Variants in RORA observed in about 807,000 individuals in gnomAD.
RORA encodes the protein RAR related orphan receptor A.
Under a neutral mutation model 69.5 loss-of-function variants are expected in RORA, and 7 were observed. The observed-to-expected ratio is 0.10, with a 90% CI of 0.06 to 0.19. The LOEUF (loss-of-function observed/expected upper bound fraction) is 0.19. Ranked by LOEUF, RORA falls within the 10% of genes least tolerant of loss-of-function variation. The pLI, the probability that RORA is intolerant of heterozygous loss-of-function variation, is 1.00. For missense variants in RORA, 457 were observed against 663.0 expected, an observed-to-expected ratio of 0.69 and a Z score of 3.41; for synonymous variants, 261 against 240.8, an observed-to-expected ratio of 1.08 and a Z score of -0.78.
At chr15:60,501,874 A>G (rs1439642949) in intron 8 of RORA, among the ~76,000 whole-genome samples, 2 of 152,246 alleles carry the variant, frequency 1.3e-5, no homozygotes, top group African/African-American at 4.8e-5. Flanking sequence ...ACAGTTCATT[A>G]TATATATCAT....
intron 1 of RORA, among the ~76,000 whole-genome samples, chr15:61,013,522 AG>A (rs1419217196): frequency 1.3e-5 from 2 of 152,196 alleles, no homozygotes; most frequent in Non-Finnish European, 2.9e-5. Context: ...AGATGTCTAC[AG>A]GATTAGTGTG....
chr15:60,741,264 G>T (rs531480229), intron 1 of RORA, among the ~76,000 whole-genome samples: 1 of 152,192 alleles, frequency 6.6e-6, no homozygotes, highest in Non-Finnish European at 1.5e-5. Context: ...AGGAACAGTG[G>T]CTCTTGCTTA....
chr15:60,829,316 C>T (rs918569411), intron 1 of RORA, among the ~76,000 whole-genome samples: 6 of 152,134 alleles, frequency 3.9e-5, no homozygotes, highest in African/African-American at 9.7e-5. Context: ...TACATCTCAC[C>T]GGGATGGACG....
At chr15:60,868,810 A>G (rs1210246296) in intron 1 of RORA, among the ~76,000 whole-genome samples, 4 of 152,116 alleles carry the variant, frequency 2.6e-5, no homozygotes, top group South Asian at 2.1e-4. Flanking sequence ...TCCAGGGGGG[A>G]AAAACACTCA....
chr15:60,899,244 C>T (rs1260844128), intron 1 of RORA, among the ~76,000 whole-genome samples: 1 of 152,196 alleles, frequency 6.6e-6, no homozygotes, highest in Non-Finnish European at 1.5e-5. Context: ...ACTGCATATA[C>T]CAGTTTCAAA....
At chr15:61,175,063 T>C (rs1012815987) in intron 1 of RORA, among the ~76,000 whole-genome samples, 2 of 152,088 alleles carry the variant, frequency 1.3e-5, no homozygotes, top group African/African-American at 2.4e-5. Flanking sequence ...GACATCAAAA[T>C]AGAAGTGAAA....
chr15:60,972,403 A>T (rs1893744645), intron 1 of RORA, among the ~76,000 whole-genome samples: 1 of 152,238 alleles, frequency 6.6e-6, no homozygotes, highest in South Asian at 2.1e-4. Context: ...GAAACTCCCC[A>T]ACCAAGCATC....
At chr15:60,633,603 A>AATGTG (rs1259160154) in intron 2 of RORA, among the ~76,000 whole-genome samples, 2 of 152,218 alleles carry the variant, frequency 1.3e-5, no homozygotes, top group African/African-American at 4.8e-5. Flanking sequence ...GAGCTGGCAG[A>AATGTG]ATGTGTGACC....
At chr15:60,501,197 GT>G in intron 8 of RORA, 128 bp from the exon 9 acceptor site, 1 of 623,822 alleles carries the variant, frequency 1.6e-6, no homozygotes, top group Non-Finnish European at 2.9e-6. Context: ...CATGGGGAAG[GT>G]GAAGAGAGAT....
intron 1 of RORA, among the ~76,000 whole-genome samples, chr15:60,782,846 T>C (rs1318433978): frequency 5.3e-5 from 8 of 152,224 alleles, no homozygotes; most frequent in African/African-American, 1.7e-4. Flanking sequence ...CCAAGCTGCA[T>C]GGAAACTGAT....
At chr15:60,584,771 A>C (rs2068284230) in intron 2 of RORA, among the ~76,000 whole-genome samples, 1 of 152,238 alleles carries the variant, frequency 6.6e-6, no homozygotes, top group Admixed American at 6.5e-5. Flanking sequence ...AAATGAAAAT[A>C]ACATTCTGTG....
At chr15:61,218,648 G>A (rs929414518) in intron 1 of RORA, among the ~76,000 whole-genome samples, 5 of 143,374 alleles carry the variant, frequency 3.5e-5, no homozygotes, top group African/African-American at 1.3e-4. Context: ...GGTATTCGTG[G>A]GTCCAAGTTA....
chr15:61,228,106 C>G (rs917692162), intron 1 of RORA, among the ~76,000 whole-genome samples: 3 of 151,892 alleles, frequency 2.0e-5, no homozygotes, highest in African/African-American at 7.3e-5. Context: ...ATTGCTTGCA[C>G]TATCCAACCA....
intron 1 of RORA, among the ~76,000 whole-genome samples, chr15:60,683,647 T>TACACACACACACACACAC (rs59854874): frequency 1.1e-3 from 162 of 148,724 alleles, no homozygotes; most frequent in East Asian, 7.3e-3. Context: ...CAGATACACA[T>TACACACACACACACACAC]ACACACACAC....
At chr15:60,975,883 T>G (rs1893860210) in intron 1 of RORA, among the ~76,000 whole-genome samples, 1 of 152,158 alleles carries the variant, frequency 6.6e-6, no homozygotes, top group African/African-American at 2.4e-5. Flanking sequence ...TACACCCACA[T>G]CTCAGTTCCA....
chr15:60,516,003 A>T lies in RORA; in HGVS notation c.283-1246T>A, dbSNP rs1421786543. On this transcript the variant is annotated intron_variant, in intron 3 of 10. Coordinates refer to ENST00000335670, the MANE Select transcript of RORA (RefSeq NM_134261.3). ...TATTTATATATATTTATATATATTT[A>T]TATATATTTATATATATTTATATAT... Among the ~76,000 whole-genome samples, 3 of 2,884 alleles carry T rather than the reference A, an allele frequency of 1.0e-3. 1 individual carries two copies. The highest frequency in any genetic ancestry group is 2.7e-3 in the African/African-American group (3 of 1,130). 1.9% of individuals were successfully genotyped at this position (2,884 alleles called of 152,430 possible). A position where few individuals can be genotyped will look rare whatever the true frequency, so the allele number is the denominator to read the frequency against.
chr15:60,750,275 G>A (rs141464758), intron 1 of RORA, among the ~76,000 whole-genome samples: 117 of 152,272 alleles, frequency 7.7e-4, no homozygotes, highest in Admixed American at 4.1e-3. Flanking sequence ...GCTGAGAAAG[G>A]ACTCACTCTC....
intron 1 of RORA, among the ~76,000 whole-genome samples, chr15:61,217,450 G>GGA (rs2080050595): frequency 6.6e-6 from 1 of 152,106 alleles, no homozygotes; most frequent in Non-Finnish European, 1.5e-5. Context: ...AGAGAGATGG[G>GGA]GACTAGGTGA....
chr15:60,613,400 CA>C lies in RORA; in HGVS notation c.196+65256del, dbSNP rs775096852. Among the ~76,000 whole-genome samples, 7 of 152,210 alleles carry C rather than the reference CA, an allele frequency of 4.6e-5. No individual in the cohort carries two copies. The East Asian group carries it at 1.4e-3, about 29-fold the overall frequency. On this transcript the variant is annotated intron_variant, in intron 2 of 10. Transcript: ENST00000335670. ...TTTCTAAGGAGAGAAAGCCCGGTGA[CA>C]AATTAAAAAGAGCTCTGGAGTCAGA...
Sources: allele counts gnomAD v4.1 joint callset (sites outside exome capture counted in the v4.1 genomes callset), GRCh38; gene constraint gnomAD v4.1.1; transcripts MANE v1.5; gene names NCBI Gene and HGNC (gene_info 2026-07-23, HGNC 2026-07-21).